GNB1L: variants seen among roughly 807,000 people sequenced by gnomAD.
GNB1L encodes guanine nucleotide-binding protein subunit beta-like protein 1.
GNB1L carries 20 observed loss-of-function variants against 29.1 expected under a neutral mutation model. The ratio of observed to expected loss-of-function variants is 0.69; its 90% CI spans 0.48 to 1.00. GNB1L has a LOEUF of 1.00. Ranked by LOEUF, GNB1L falls within the 50% of genes least tolerant of loss-of-function variation. The pLI is 0.00. For synonymous variants in GNB1L, 193 were observed against 206.5 expected (o/e 0.93, Z 0.56); for missense variants, 421 against 464.9 (o/e 0.91, Z 0.87).
rs953135270 is a variant in GNB1L at position 19,840,747 on chromosome 22, T to A, written c.-21+13696A>T. Among the ~76,000 whole-genome samples, 12 of 151,882 alleles carry A rather than the reference T, an allele frequency of 7.9e-5. No homozygotes were observed. In the South Asian group the frequency reaches 1.9e-3, roughly 24 times the overall value. On this transcript the variant is annotated intron_variant, in intron 2 of 7. Transcript: ENST00000329517. Reference sequence around the variant, plus strand: ...ATCGCTTGAACCCGACAGGCAGAGATTGCAGTGAGCCGAGATCGTGCCATT... The same window carrying A: ...ATCGCTTGAACCCGACAGGCAGAGAATGCAGTGAGCCGAGATCGTGCCATT...
intron 7 of GNB1L, among the ~76,000 whole-genome samples, chr22:19,795,721 T>G (rs1211657960): frequency 1.3e-5 from 2 of 152,240 alleles, no homozygotes; most frequent in African/African-American, 4.8e-5. Context: ...TCAAAGCCAA[T>G]GAGACTGAGT....
rs79479779 is a variant in GNB1L, at chr22:19,801,528, G to A, written c.732+473C>T. ...CACCATGGGAAGATCTTCAGCAACCGCCAGGTGGCCCTGAGGCTTCCCAGC... is the reference window on the plus strand; with the variant it reads ...CACCATGGGAAGATCTTCAGCAACCACCAGGTGGCCCTGAGGCTTCCCAGC... On this transcript the variant is annotated intron_variant, in intron 7 of 7. Coordinates refer to ENST00000329517, the MANE Select transcript of GNB1L (RefSeq NM_053004.3). Among the ~76,000 whole-genome samples the A allele has an allele frequency of 4.3e-3, 651 of 152,318 alleles. 15 individuals carry two copies. The South Asian group carries it at 0.079, about 18-fold the overall frequency.
intron 2 of GNB1L, among the ~76,000 whole-genome samples, chr22:19,834,055 G>A (rs1394247118): frequency 7.9e-5 from 12 of 151,948 alleles, no homozygotes. Context: ...AGAAGTAGAA[G>A]AGAGAAACAG....
intron 2 of GNB1L, chr22:19,852,276 G>GTCT: frequency 6.3e-7 from 1 of 1,584,460 alleles, no homozygotes; most frequent in South Asian, 1.2e-5. Flanking sequence ...GGAGCACAGG[G>GTCT]GAGAAGAGAG....
intron 2 of GNB1L, chr22:19,846,819 C>T (rs1441085682): frequency 2.7e-6 from 2 of 741,752 alleles, no homozygotes; most frequent in Non-Finnish European, 3.3e-6. Context: ...CCTGCCCACA[C>T]CTTGATCTCA....
At chr22:19,824,323 G>A (rs759709312) in intron 2 of GNB1L, among the ~76,000 whole-genome samples, 13 of 152,122 alleles carry the variant, frequency 8.5e-5, no homozygotes, top group Non-Finnish European at 1.6e-4. Context: ...CTGGCCCCAG[G>A]CTGTGGAGCA....
chr22:19,809,843 C>T (rs1163280134), intron 5 of GNB1L, among the ~76,000 whole-genome samples: 1 of 152,244 alleles, frequency 6.6e-6, no homozygotes, highest in Non-Finnish European at 1.5e-5. Context: ...GGTGCCATCA[C>T]AGCTCACTGC....
rs187078520 is a variant in GNB1L at position 19,816,038 on chromosome 22, C to T, written c.255-3591G>A. Among the ~76,000 whole-genome samples, 2 of 152,348 alleles carry T rather than the reference C, an allele frequency of 1.3e-5. No individual in the cohort carries two copies. Among genetic ancestry groups the T allele is most frequent in the East Asian group, 3.9e-4 (2 of 5,174 alleles). On this transcript the variant is annotated intron_variant, in intron 4 of 7. Coordinates refer to ENST00000329517, the MANE Select transcript of GNB1L (RefSeq NM_053004.3). This position sits in a 1 kb window ranked among gnomAD's most constrained non-coding sequence, Gnocchi z 4.4. ...GAACTCCACCTTGTCAACACCGCAT[C>T]CTGACCAAGGGTGAGCCCCGACAGC... is the stretch of plus-strand genomic sequence containing the variant.
chr22:19,846,615 T>C, intron 2 of GNB1L: 1 of 927,244 alleles, frequency 1.1e-6, no homozygotes, highest in South Asian at 5.0e-5. Flanking sequence ...TATGTTCAAG[T>C]CCTAACCCCT....
intron 7 of GNB1L, among the ~76,000 whole-genome samples, chr22:19,799,778 G>A (rs1325586188): frequency 1.3e-5 from 2 of 152,198 alleles, no homozygotes; most frequent in Non-Finnish European, 2.9e-5. Flanking sequence ...CTCCCGGGTG[G>A]CAAGAACGCT....
At position 19,812,333 on chromosome 22, in the gene GNB1L, C is replaced by T. The variant is rs199842548; in HGVS notation, c.369G>A (p.Gly123=). ...CGGCAAGCGTCCAGCGTGGCTGGCC[C>T]CCGGCCAGGATGCTGCTCCGGCAGA... is the stretch of plus-strand genomic sequence containing the variant. ...VGFCRSSILA[G]GQPRWTLAVP... is the part of the protein sequence containing the mutation. The change falls in exon 5 of 8, where the codon GGG becomes GGA. Residue 123 remains glycine, a synonymous_variant. Coordinates refer to ENST00000329517, the MANE Select transcript of GNB1L (RefSeq NM_053004.3). 9 of 1,613,066 alleles carry T rather than the reference C, an allele frequency of 5.6e-6. No individual in the cohort carries two copies. The highest frequency in any genetic ancestry group is 1.6e-4 in the Middle Eastern group (1 of 6,062).
intron 2 of GNB1L, chr22:19,849,373 T>G (rs1302703834): frequency 4.6e-5 from 25 of 545,904 alleles, no homozygotes; most frequent in East Asian, 1.6e-4. Context: ...TTTTTTGTTG[T>G]TTTTTTTTTT....
chr22:19,818,253 C>A (rs1219925899), intron 4 of GNB1L, among the ~76,000 whole-genome samples: 1 of 152,268 alleles, frequency 6.6e-6, no homozygotes, highest in Non-Finnish European at 1.5e-5. Flanking sequence ...CTCCTGTCTG[C>A]AGGACAGCCT....
At chr22:19,847,328 T>C in intron 2 of GNB1L, 2 of 985,462 alleles carry the variant, frequency 2.0e-6, no homozygotes, top group Non-Finnish European at 2.4e-6. Context: ...TGACTGATCC[T>C]GCAGGGTAAC....
At chr22:19,817,599 C>T (rs1937539709) in intron 4 of GNB1L, among the ~76,000 whole-genome samples, 1 of 152,242 alleles carries the variant, frequency 6.6e-6, no homozygotes, top group Non-Finnish European at 1.5e-5. Context: ...GATGCTGCTC[C>T]TTATGTCTCC....
intron 2 of GNB1L, among the ~76,000 whole-genome samples, chr22:19,826,283 T>C (rs1937619225): frequency 6.6e-6 from 1 of 152,202 alleles, no homozygotes; most frequent in African/African-American, 2.4e-5. Flanking sequence ...GTTTCAGCCC[T>C]AACTCACACC....
At chr22:19,798,187 C>T (rs1289358148) in intron 7 of GNB1L, among the ~76,000 whole-genome samples, 2 of 152,212 alleles carry the variant, frequency 1.3e-5, no homozygotes, top group African/African-American at 4.8e-5. Flanking sequence ...TCAAGTCCAG[C>T]ACCTGCTGCG....
chr22:19,794,029 C>T (rs1007076511), intron 7 of GNB1L, among the ~76,000 whole-genome samples: 3 of 152,080 alleles, frequency 2.0e-5, no homozygotes, highest in Non-Finnish European at 2.9e-5. Flanking sequence ...TGCAGTGGCT[C>T]ATGCCTTTAA....
intron 7 of GNB1L, among the ~76,000 whole-genome samples, chr22:19,789,886 T>A (rs1601316595): frequency 6.7e-6 from 1 of 149,964 alleles, no homozygotes; most frequent in Non-Finnish European, 1.5e-5. Context: ...TTAGACTTCA[T>A]AGCTAAAAAA....
Sources: gnomAD v4.1 joint callset for allele counts (sites outside exome capture counted in the v4.1 genomes callset) on GRCh38, gnomAD v4.1.1 for gene constraint, Gnocchi (gnomAD v3.1) non-coding constraint, MANE v1.5 for transcripts, NCBI Gene and HGNC (gene_info 2026-07-23, HGNC 2026-07-21) for gene names.